The following BLTP3A variants were observed in gnomAD, a reference collection of about 807,000 sequenced individuals.
The protein encoded by BLTP3A is ICBP90 binding protein 1.
At chr6:34,820,747 G>A in the BLTP3A span, among the ~76,000 whole-genome samples, 337 of 149,304 alleles carry the variant, frequency 2.3e-3, 2 homozygotes, top group Middle Eastern at 3.5e-3. Flanking sequence ...TCATGATCAC[G>A]GCTCACTGCA....
At chr6:34,871,699 C>A in the BLTP3A span, 1 of 1,614,104 alleles carries the variant, frequency 6.2e-7, no homozygotes, top group South Asian at 1.1e-5. Context: ...GGCGGTGAGT[C>A]AGGCTTGTCA....
chr6:34,858,317 T>C, the BLTP3A span: 8 of 1,614,202 alleles, frequency 5.0e-6, no homozygotes, highest in East Asian at 2.2e-5. Context: ...TTTCCTAAGG[T>C]TCCAGGTGGC....
At chr6:34,867,562 C>T in the BLTP3A span, 25 of 1,613,816 alleles carry the variant, frequency 1.5e-5, no homozygotes, top group African/African-American at 2.9e-4. Flanking sequence ...GGAACTGACC[C>T]TCCAGCAGCT....
chr6:34,834,333 G>T, the BLTP3A span: 2,270 of 1,613,974 alleles, frequency 1.4e-3, 22 homozygotes, highest in Middle Eastern at 0.012. Context: ...CAGCTCCAGG[G>T]CTATAGTGTC....
the BLTP3A span, chr6:34,867,242 G>T: frequency 6.2e-7 from 1 of 1,613,160 alleles, no homozygotes; most frequent in East Asian, 2.2e-5. Flanking sequence ...TCCAGAATCT[G>T]TTCCACCAGG....
the BLTP3A span, among the ~76,000 whole-genome samples, chr6:34,851,868 C>G: frequency 4.6e-5 from 7 of 152,284 alleles, no homozygotes; most frequent in African/African-American, 1.2e-4. Flanking sequence ...CCTTCCTTTC[C>G]TTATACAGAA....
At chr6:34,816,656 C>A in the BLTP3A span, among the ~76,000 whole-genome samples, 3 of 152,046 alleles carry the variant, frequency 2.0e-5, no homozygotes, top group East Asian at 5.8e-4. Context: ...TATGAAAGAG[C>A]AGTTTATCTT....
chr6:34,853,327 G>A, the BLTP3A span, among the ~76,000 whole-genome samples: 1 of 151,946 alleles, frequency 6.6e-6, no homozygotes, highest in African/African-American at 2.4e-5. Context: ...TCCCGACTGG[G>A]ACTACAGGCA....
At chr6:34,838,410 C>T in the BLTP3A span, among the ~76,000 whole-genome samples, 1 of 152,108 alleles carries the variant, frequency 6.6e-6, no homozygotes, top group Non-Finnish European at 1.5e-5. Flanking sequence ...ACAAGTAGCT[C>T]AGGAAATCAA....
the BLTP3A span, among the ~76,000 whole-genome samples, chr6:34,868,765 C>T: frequency 6.7e-6 from 1 of 149,980 alleles, no homozygotes; most frequent in African/African-American, 2.5e-5. Flanking sequence ...GCGGTGCGTG[C>T]CTATAGTTCT....
the BLTP3A span, among the ~76,000 whole-genome samples, chr6:34,801,418 A>AAAG: frequency 6.6e-6 from 1 of 152,044 alleles, no homozygotes; most frequent in Non-Finnish European, 1.5e-5. Context: ...AGAGGGGGGA[A>AAAG]AAGTATTTTT....
chr6:34,792,399 C>T, the BLTP3A span: 2 of 1,189,844 alleles, frequency 1.7e-6, no homozygotes, highest in Non-Finnish European at 2.2e-6. Context: ...CTCTCCAGCC[C>T]GGAGCCCGGA....
chr6:34,822,253 ATTT>A, the BLTP3A span, among the ~76,000 whole-genome samples: 3 of 139,584 alleles, frequency 2.1e-5, no homozygotes, highest in Admixed American at 7.2e-5. Context: ...TTCCCTTGAA[ATTT>A]TTTTTTTTTT....
the BLTP3A span, among the ~76,000 whole-genome samples, chr6:34,863,410 T>A: frequency 6.6e-6 from 1 of 152,248 alleles, no homozygotes; most frequent in Admixed American, 6.5e-5. Flanking sequence ...TTTTTGTTTC[T>A]GGCTGTATGC....
chr6:34,793,047 A>C, the BLTP3A span, among the ~76,000 whole-genome samples: 3 of 152,196 alleles, frequency 2.0e-5, no homozygotes, highest in Non-Finnish European at 2.9e-5. Context: ...CCTTCCCTTT[A>C]AGATGTGGAG....
At chr6:34,868,714 ACT>A in the BLTP3A span, among the ~76,000 whole-genome samples, 1 of 147,930 alleles carries the variant, frequency 6.8e-6, no homozygotes, top group Non-Finnish European at 1.5e-5. Context: ...ACAGAGCAAG[ACT>A]CTGTTTAAAA....
chr6:34,834,250 G>A, the BLTP3A span: 3 of 1,613,862 alleles, frequency 1.9e-6, no homozygotes, highest in African/African-American at 2.7e-5. Flanking sequence ...TGGTGGAAGG[G>A]ATGTTCATCA....
At chr6:34,809,163 T>G in the BLTP3A span, among the ~76,000 whole-genome samples, 2 of 152,050 alleles carry the variant, frequency 1.3e-5, no homozygotes, top group African/African-American at 4.8e-5. Context: ...AAGGCTGAAG[T>G]GGGAGGATCA....
At chr6:34,815,467 C>T in the BLTP3A span, among the ~76,000 whole-genome samples, 1 of 151,896 alleles carries the variant, frequency 6.6e-6, no homozygotes, top group Non-Finnish European at 1.5e-5. Context: ...CCAGGCTGGT[C>T]TTGAACTCCT....
Sources: gnomAD v4.1 joint callset for allele counts (sites outside exome capture counted in the v4.1 genomes callset) on GRCh38, gnomAD v4.1.1 for gene constraint, MANE v1.5 for transcripts, NCBI Gene and HGNC (gene_info 2026-07-23, HGNC 2026-07-21) for gene names.